The following SDK1 variants were observed in gnomAD, a reference collection of about 807,000 sequenced individuals.
The protein encoded by SDK1 is protein sidekick-1.
SDK1 carries 157 observed loss-of-function variants against 245.5 expected under a neutral mutation model. The observed-to-expected ratio is 0.64, with a 90% CI of 0.56 to 0.73. SDK1 has a LOEUF of 0.73. SDK1 is among the 30% of genes least tolerant of loss of function. SDK1 has a pLI of 0.00. For missense variants in SDK1, 3,583 were observed against 3,002.3 expected, an observed-to-expected ratio of 1.19 and a Z score of -4.52; for synonymous variants, 1,647 against 1,278.5, an observed-to-expected ratio of 1.29 and a Z score of -6.15.
chr7:3,427,810 C>A (rs868253998), intron 1 of SDK1, among the ~76,000 whole-genome samples: 1 of 150,914 alleles, frequency 6.6e-6, no homozygotes, highest in Admixed American at 6.6e-5. Flanking sequence ...TCACCAAGCT[C>A]CTGTGGCTGC....
At chr7:3,836,577 G>T (rs1418471077) in intron 5 of SDK1, among the ~76,000 whole-genome samples, 1 of 152,072 alleles carries the variant, frequency 6.6e-6, no homozygotes, top group African/African-American at 2.4e-5. Flanking sequence ...ATGTTCTAAG[G>T]GAACATGTAG....
chr7:3,708,298 G>T (rs1327332928), intron 4 of SDK1, among the ~76,000 whole-genome samples: 1 of 151,104 alleles, frequency 6.6e-6, no homozygotes. Flanking sequence ...CCTCCCACCA[G>T]GCCCTCCATA....
chr7:3,818,710 G>A (rs1337553437), intron 4 of SDK1, among the ~76,000 whole-genome samples: 3 of 152,234 alleles, frequency 2.0e-5, no homozygotes, highest in Non-Finnish European at 2.9e-5. Context: ...AGACAGGACA[G>A]GCTGCTGGAT....
chr7:4,198,431 G>A (rs1783704890), intron 35 of SDK1, among the ~76,000 whole-genome samples: 1 of 152,234 alleles, frequency 6.6e-6, no homozygotes, highest in African/African-American at 2.4e-5. Flanking sequence ...CCCAGTCAAG[G>A]CCTCTGCTCT....
intron 4 of SDK1, among the ~76,000 whole-genome samples, chr7:3,652,887 AAG>A (rs1388209515): frequency 1.3e-5 from 2 of 152,164 alleles, no homozygotes; most frequent in Admixed American, 6.5e-5. Flanking sequence ...CGAGCTTTAT[AAG>A]AGAGGAGGTG....
At chr7:3,708,949 C>G (rs1260702862) in intron 4 of SDK1, among the ~76,000 whole-genome samples, 1 of 152,176 alleles carries the variant, frequency 6.6e-6, no homozygotes, top group Non-Finnish European at 1.5e-5. Context: ...AATGTTAATA[C>G]TGCATTCATG....
rs370649789 is a variant in SDK1 at position 3,799,137 on chromosome 7, T to C, written c.714-22313T>C. The stretch of plus-strand genomic sequence containing the variant: ...AGTCCCTCATGTTTCTTCTCCTCTT[T>C]AAAAAATCTTGGGCCTTTTTATTAC... On this transcript the variant is annotated intron_variant, in intron 4 of 44. Transcript: ENST00000404826. Among the ~76,000 whole-genome samples the C allele has an allele frequency of 2.5e-3, 381 of 152,334 alleles. 1 individual carries two copies. Among genetic ancestry groups the C allele is most frequent in the African/African-American group, 8.3e-3 (345 of 41,576 alleles).
rs1421251144 is a variant in SDK1 at position 3,346,825 on chromosome 7, A to ATT, written c.298+44942_298+44943insTT. 4.5e-3 allele frequency among the ~76,000 whole-genome samples: 124 copies of ATT among 27,566 alleles called. 1 individual carries two copies. The highest frequency in any genetic ancestry group is 4.9e-3 in the East Asian group (5 of 1,026). 18.1% of individuals were successfully genotyped at this position (27,566 alleles called of 152,430 possible). A position where few individuals can be genotyped will look rare whatever the true frequency, so the allele number is the denominator to read the frequency against. Reference sequence around the variant, plus strand: ...TGTGTGTGTATATATATATATATATATATTTTTTTTTTTTTTTTTTTTTTT... The same window carrying ATT: ...TGTGTGTGTATATATATATATATATATTTATTTTTTTTTTTTTTTTTTTTTTT... On this transcript the variant is annotated intron_variant, in intron 1 of 44. Transcript: ENST00000404826.
intron 4 of SDK1, among the ~76,000 whole-genome samples, chr7:3,705,278 T>C (rs1217308904): frequency 2.0e-5 from 3 of 152,086 alleles, no homozygotes; most frequent in East Asian, 1.9e-4. Context: ...TTGTTTTGGA[T>C]AGTATGGTCA....
chr7:3,923,774 C>T (rs983707116), intron 5 of SDK1, among the ~76,000 whole-genome samples: 1 of 152,236 alleles, frequency 6.6e-6, no homozygotes, highest in Non-Finnish European at 1.5e-5. Context: ...ATTTGCCCAG[C>T]CTGTACCTCA....
intron 1 of SDK1, among the ~76,000 whole-genome samples, chr7:3,407,445 G>C (rs1241234706): frequency 1.3e-5 from 2 of 152,132 alleles, no homozygotes; most frequent in Non-Finnish European, 2.9e-5. Context: ...TGGTTGACTG[G>C]TCTCAGCAAC....
At chr7:3,456,938 G>T (rs1190627425) in intron 1 of SDK1, among the ~76,000 whole-genome samples, 1 of 152,264 alleles carries the variant, frequency 6.6e-6, no homozygotes, top group East Asian at 1.9e-4. Context: ...TTGTCTTGCT[G>T]TTTGGGTGTC....
chr7:3,350,988 CA>C (rs1780645553), intron 1 of SDK1, among the ~76,000 whole-genome samples: 1 of 152,124 alleles, frequency 6.6e-6, no homozygotes, highest in South Asian at 2.1e-4. Flanking sequence ...CCCCAAGAAT[CA>C]ATAATATCTG....
At chr7:4,251,171 A>T (rs1040372980) in intron 44 of SDK1, among the ~76,000 whole-genome samples, 49 of 152,336 alleles carry the variant, frequency 3.2e-4, no homozygotes, top group African/African-American at 8.7e-4. Context: ...GATATACCAC[A>T]TTTAAAAATG....
At chr7:3,720,630 G>A (rs1785340647) in intron 4 of SDK1, among the ~76,000 whole-genome samples, 1 of 152,184 alleles carries the variant, frequency 6.6e-6, no homozygotes. Context: ...TATTGTTAGT[G>A]GGAATGTAAC....
chr7:3,485,452 C>A (rs943337210), intron 1 of SDK1, among the ~76,000 whole-genome samples: 1 of 152,124 alleles, frequency 6.6e-6, no homozygotes, highest in Non-Finnish European at 1.5e-5. Context: ...ACTTTGCTTT[C>A]CCTACCCCAA....
At chr7:3,422,529 A>G (rs1443015799) in intron 1 of SDK1, among the ~76,000 whole-genome samples, 1 of 152,196 alleles carries the variant, frequency 6.6e-6, no homozygotes, top group Non-Finnish European at 1.5e-5. Flanking sequence ...GTGGTGGCTC[A>G]TGCCTGTAAC....
chr7:3,394,548 C>T (rs951278407), intron 1 of SDK1, among the ~76,000 whole-genome samples: 1 of 151,784 alleles, frequency 6.6e-6, no homozygotes, highest in African/African-American at 2.4e-5. Flanking sequence ...TTATCAATTT[C>T]TGTGGGAATA....
At chr7:3,821,770 C>T (rs531531550) in intron 5 of SDK1, among the ~76,000 whole-genome samples, 187 bp downstream of exon 5, 8 of 151,760 alleles carry the variant, frequency 5.3e-5, no homozygotes, top group South Asian at 2.1e-4. Context: ...AAATGATATG[C>T]GGAAAAATGT....
Sources: gnomAD v4.1 joint callset for allele counts (sites outside exome capture counted in the v4.1 genomes callset) on GRCh38, gnomAD v4.1.1 for gene constraint, MANE v1.5 for transcripts, NCBI Gene and HGNC (gene_info 2026-07-23, HGNC 2026-07-21) for gene names.